Variants in TCF12 observed in about 807,000 individuals in gnomAD.
TCF12 encodes the protein DNA-binding protein HTF4.
A neutral mutation model predicts 86.0 loss-of-function variants in TCF12; 45 were observed. The observed-to-expected ratio is 0.52, with a 90% CI of 0.41 to 0.67. TCF12 has a LOEUF of 0.67. Ranked by LOEUF, TCF12 falls within the 30% of genes least tolerant of loss-of-function variation. TCF12 has a pLI of 0.00. For synonymous variants in TCF12, 330 were observed against 299.6 expected, an observed-to-expected ratio of 1.10 and a Z score of -1.05; for missense variants, 881 against 859.9, an observed-to-expected ratio of 1.02 and a Z score of -0.31.
intron 3 of TCF12, among the ~76,000 whole-genome samples, chr15:56,979,918 C>T (rs1448722340): frequency 6.6e-6 from 1 of 152,138 alleles, no homozygotes; most frequent in Non-Finnish European, 1.5e-5. Flanking sequence ...TCCTGTTAAT[C>T]GTAACAGTGG....
rs1201260818 is a variant in TCF12 at position 57,286,434 on chromosome 15, G to A, written c.*289G>A. On this transcript the variant is annotated 3_prime_UTR_variant, in exon 21 of 21. Coordinates refer to ENST00000333725, the MANE Select transcript of TCF12 (RefSeq NM_207037.2). ...TGTCGCTTCTGCACAATCAGAGACT[G>A]TCTCGATCTCTCCACTCACCGTGGA... is the stretch of plus-strand genomic sequence containing the variant. 5.8e-6 allele frequency: 2 copies of A among 342,548 alleles called. No individual in the cohort carries two copies. The highest frequency in any genetic ancestry group is 4.3e-5 in the African/African-American group (2 of 46,462). 21.2% of individuals were successfully genotyped at this position (342,548 alleles called of 1,614,324 possible).
At chr15:57,229,039 C>A (rs559801859) in intron 8 of TCF12, among the ~76,000 whole-genome samples, 1 of 152,018 alleles carries the variant, frequency 6.6e-6, no homozygotes, top group Admixed American at 6.6e-5. Context: ...GTGCTGTCTT[C>A]TAAATTTGAT....
intron 3 of TCF12, among the ~76,000 whole-genome samples, chr15:57,061,829 A>G (rs368545558): frequency 6.6e-6 from 1 of 152,290 alleles, no homozygotes; most frequent in East Asian, 1.9e-4. Context: ...TTGTAGGTTA[A>G]TGGTCATCTT....
intron 3 of TCF12, among the ~76,000 whole-genome samples, chr15:57,009,205 C>A (rs1179305200): frequency 6.6e-6 from 1 of 152,090 alleles, no homozygotes; most frequent in African/African-American, 2.4e-5. Flanking sequence ...GCCTCCAGGG[C>A]TCAAGCAGTC....
chr15:56,929,747 CT>C (rs142670025), intron 3 of TCF12, among the ~76,000 whole-genome samples: 13 of 151,970 alleles, frequency 8.6e-5, no homozygotes, highest in African/African-American at 3.1e-4. Flanking sequence ...AAAATACTAC[CT>C]TTTTTTCCCT....
rs550493641 is a variant in TCF12 at position 57,223,643 on chromosome 15, G to GTTTTTTTTTTTTTTTTTTTTTTTT, written c.580-7504_580-7481dup. 2.9e-4 allele frequency among the ~76,000 whole-genome samples: 20 copies of GTTTTTTTTTTTTTTTTTTTTTTTT among 69,680 alleles called. 3 individuals carry two copies. Among genetic ancestry groups the GTTTTTTTTTTTTTTTTTTTTTTTT allele is most frequent in the East Asian group, 1.0e-3 (2 of 1,994 alleles). The allele number at this position is 69,680 out of a possible 152,430, so 45.7% of individuals were successfully genotyped here. On this transcript the variant is annotated intron_variant, in intron 8 of 20. Transcript: ENST00000333725. ...GTTTTGGCACCTGCCTACCAATGAG[G>GTTTTTTTTTTTTTTTTTTTTTTTT]TTTTTTTTTTTTTTTTTTTTTTTTT...
intron 18 of TCF12, among the ~76,000 whole-genome samples, chr15:57,270,653 T>C (rs143748775): frequency 0.025 from 3,813 of 152,292 alleles, 70 homozygotes; most frequent in Non-Finnish European, 0.041. Flanking sequence ...TTCTGGCTTT[T>C]GGTATTTTCA....
intron 5 of TCF12, among the ~76,000 whole-genome samples, chr15:57,135,391 AT>A (rs2052449057): frequency 6.6e-6 from 1 of 152,198 alleles, no homozygotes; most frequent in African/African-American, 2.4e-5. Context: ...GAAAGAGACT[AT>A]TTTTGTATAT....
At chr15:57,221,586 A>G (rs566369369) in intron 8 of TCF12, among the ~76,000 whole-genome samples, 25 of 152,166 alleles carry the variant, frequency 1.6e-4, no homozygotes, top group Non-Finnish European at 7.4e-5. Flanking sequence ...GGCTTATGGT[A>G]GATGGCATAG....
At chr15:56,957,455 C>T (rs1290651585) in intron 3 of TCF12, among the ~76,000 whole-genome samples, 1 of 152,042 alleles carries the variant, frequency 6.6e-6, no homozygotes, top group African/African-American at 2.4e-5. Context: ...TTTTCCATGC[C>T]TTCAAATTTA....
chr15:56,934,162 T>C (rs2060367820), intron 3 of TCF12, among the ~76,000 whole-genome samples: 1 of 152,144 alleles, frequency 6.6e-6, no homozygotes. Flanking sequence ...TTCAGTCCTT[T>C]ATTCTCAGCT....
intron 7 of TCF12, 135 bp downstream of exon 7, chr15:57,192,428 A>G: frequency 8.0e-7 from 1 of 1,243,268 alleles, no homozygotes; most frequent in East Asian, 2.4e-5. Flanking sequence ...TCACTCTGTT[A>G]CCCATGCAGG....
At chr15:57,148,045 A>T (rs1214768357) in intron 5 of TCF12, among the ~76,000 whole-genome samples, 1 of 150,994 alleles carries the variant, frequency 6.6e-6, no homozygotes, top group East Asian at 2.0e-4. Context: ...TGCCCTGCTA[A>T]TTTTTTTTTA....
chr15:57,265,588 T>C (rs902681893), intron 18 of TCF12, among the ~76,000 whole-genome samples: 12 of 152,188 alleles, frequency 7.9e-5, no homozygotes, highest in African/African-American at 2.9e-4. Flanking sequence ...TTGTTTAATA[T>C]TAGAAGTGTA....
chr15:56,948,467 T>G (rs1373804798), intron 3 of TCF12, among the ~76,000 whole-genome samples: 1 of 152,230 alleles, frequency 6.6e-6, no homozygotes, highest in Admixed American at 6.5e-5. Flanking sequence ...TTGAAGAATT[T>G]AGTATGTAAA....
At position 57,262,118 on chromosome 15, in the gene TCF12, G is replaced by C. The variant is rs750905044; in HGVS notation, c.1492G>C (p.Val498Leu). The C allele has an allele frequency of 1.9e-6, 3 of 1,613,090 alleles. No homozygotes were observed. In the South Asian group the frequency reaches 3.3e-5, roughly 18 times the overall value. ...SMVGTHREDSVSLNGNHSVLS... is the reference protein window; with the variant it reads ...SMVGTHREDSLSLNGNHSVLS... ...GGTTGGAACTCATCGGGAAGACTCT[G>C]TCAGTCTCAATGGCAATCATTCAGT... is the stretch of plus-strand genomic sequence containing the variant. The change falls in exon 17 of 21, where the codon GTC (valine) becomes CTC (leucine). Residue 498 changes from valine to leucine, a missense_variant. Around this residue, in one of 3 missense-constraint regions of TCF12, gnomAD observed 766 missense variants for 718.9 expected, o/e 1.07. Coordinates refer to ENST00000333725, the MANE Select transcript of TCF12 (RefSeq NM_207037.2).
chr15:57,282,156 G>A (rs1200847491), intron 19 of TCF12: 4 of 418,068 alleles, frequency 9.6e-6, no homozygotes, highest in Non-Finnish European at 1.8e-5. Flanking sequence ...AATAACAACA[G>A]CATTTGCCAA....
chr15:57,213,723 G>A (rs2058214064), intron 8 of TCF12, among the ~76,000 whole-genome samples: 1 of 152,058 alleles, frequency 6.6e-6, no homozygotes, highest in African/African-American at 2.4e-5. Context: ...AAAAACGGGT[G>A]GCACTTTCTT....
At chr15:57,217,534 A>G (rs1224753773) in intron 8 of TCF12, among the ~76,000 whole-genome samples, 1 of 152,126 alleles carries the variant, frequency 6.6e-6, no homozygotes, top group African/African-American at 2.4e-5. Context: ...AATGGGCTTA[A>G]CTGTCATAGG....
Sources: gnomAD v4.1 joint callset for allele counts (sites outside exome capture counted in the v4.1 genomes callset) on GRCh38, gnomAD v4.1.1 for gene constraint, gnomAD v4.1.1 regional missense constraint, MANE v1.5 for transcripts, NCBI Gene and HGNC (gene_info 2026-07-23, HGNC 2026-07-21) for gene names.